NEDD4L: variants seen among roughly 807,000 people sequenced by gnomAD.
NEDD4L encodes the protein E3 ubiquitin-protein ligase NEDD4-like.
Under a neutral mutation model 148.9 loss-of-function variants are expected in NEDD4L, and 54 were observed. The ratio of observed to expected loss-of-function variants is 0.36; its 90% confidence interval spans 0.29 to 0.45. The LOEUF (loss-of-function observed/expected upper bound fraction) is 0.45. Among genes scored for constraint, NEDD4L ranks in the 20% least tolerant of loss-of-function variants. The probability of loss-of-function intolerance (pLI) is 1.00; values close to 1 mark genes in which losing one functional copy is unlikely to be tolerated. For synonymous variants in NEDD4L, 433 were observed against 440.7 expected, an observed-to-expected ratio of 0.98 and a Z score of 0.22; for missense variants, 856 against 1,233.8, an observed-to-expected ratio of 0.69 and a Z score of 4.59.
At chr18:58,088,143 A>C (rs1002058788) in intron 1 of NEDD4L, among the ~76,000 whole-genome samples, 10 of 152,222 alleles carry the variant, frequency 6.6e-5, no homozygotes, top group Admixed American at 2.6e-4. Context: ...CCTTCACTAC[A>C]GGGCAGCTGA....
intron 1 of NEDD4L, among the ~76,000 whole-genome samples, chr18:58,129,174 G>T (rs1189555515): frequency 6.6e-6 from 1 of 152,210 alleles, no homozygotes; most frequent in African/African-American, 2.4e-5. Flanking sequence ...CCAGCCAGTT[G>T]CCCGTGCTTC....
At chr18:58,252,559 CCTT>C (rs2048058307) in intron 5 of NEDD4L, among the ~76,000 whole-genome samples, 1 of 152,028 alleles carries the variant, frequency 6.6e-6, no homozygotes, top group African/African-American at 2.4e-5. Context: ...AAAGTGGTTG[CCTT>C]CTTAAGAGAG....
At chr18:58,267,575 G>A (rs2050398906) in intron 5 of NEDD4L, among the ~76,000 whole-genome samples, 1 of 151,948 alleles carries the variant, frequency 6.6e-6, no homozygotes, top group African/African-American at 2.4e-5. Flanking sequence ...CCGAATACCA[G>A]GAAAGATCAT....
At chr18:58,149,274 T>G (rs772128187) in intron 1 of NEDD4L, 72 of 663,568 alleles carry the variant, frequency 1.1e-4, no homozygotes, top group Admixed American at 6.1e-4. Flanking sequence ...TGGACCTTGG[T>G]GTCCAGGTGG....
At chr18:58,209,690 AATT>A (rs746043270) in intron 2 of NEDD4L, among the ~76,000 whole-genome samples, 2 of 143,216 alleles carry the variant, frequency 1.4e-5, no homozygotes, top group Non-Finnish European at 3.0e-5. Flanking sequence ...CATCCTAAGA[AATT>A]AGAAAAAGAT....
chr18:58,080,492 CTATA>C (rs1000725187), intron 1 of NEDD4L, among the ~76,000 whole-genome samples: 13 of 152,140 alleles, frequency 8.5e-5, no homozygotes, highest in African/African-American at 2.9e-4. Context: ...AGGTGAGAGG[CTATA>C]TATTCATTAG....
intron 1 of NEDD4L, among the ~76,000 whole-genome samples, chr18:58,131,523 G>A (rs980081076): frequency 6.6e-6 from 1 of 151,268 alleles, no homozygotes; most frequent in African/African-American, 2.4e-5. Flanking sequence ...GCTCTGTTGG[G>A]GTTTGGTTGT....
intron 2 of NEDD4L, among the ~76,000 whole-genome samples, chr18:58,180,983 AATG>A (rs2038801532): frequency 6.6e-6 from 1 of 152,236 alleles, no homozygotes; most frequent in South Asian, 2.1e-4. Flanking sequence ...AGCCAAATAA[AATG>A]ATAACACAAA....
chr18:58,365,459 A>G (rs965727421), intron 20 of NEDD4L, among the ~76,000 whole-genome samples: 3 of 152,086 alleles, frequency 2.0e-5, no homozygotes, highest in Non-Finnish European at 4.4e-5. Context: ...TGTTATTTTC[A>G]TGTCAGCGAA....
At chr18:58,098,502 C>T (rs1174695516) in intron 1 of NEDD4L, among the ~76,000 whole-genome samples, 1 of 152,180 alleles carries the variant, frequency 6.6e-6, no homozygotes, top group African/African-American at 2.4e-5. Flanking sequence ...TCGAGGCCGA[C>T]TGCCTGGGTT....
At chr18:58,380,955 C>A (rs1308048916) in intron 24 of NEDD4L, among the ~76,000 whole-genome samples, 2 of 152,066 alleles carry the variant, frequency 1.3e-5, no homozygotes, top group Non-Finnish European at 2.9e-5. Flanking sequence ...TGTAGACGTG[C>A]CATATATTTT....
At chr18:58,236,795 G>T (rs905997715) in intron 2 of NEDD4L, among the ~76,000 whole-genome samples, 6 of 152,158 alleles carry the variant, frequency 3.9e-5, no homozygotes, top group African/African-American at 1.2e-4. Flanking sequence ...AGGCCAAGGT[G>T]GTTGGATCAC....
chr18:58,213,862 C>T (rs1251507021), intron 2 of NEDD4L, among the ~76,000 whole-genome samples: 1 of 152,028 alleles, frequency 6.6e-6, no homozygotes. Flanking sequence ...TTGGTTTATT[C>T]TGAGACCCCG....
At chr18:58,328,722 C>T (rs1439667198) in intron 9 of NEDD4L, among the ~76,000 whole-genome samples, 1 of 152,166 alleles carries the variant, frequency 6.6e-6, no homozygotes, top group Non-Finnish European at 1.5e-5. Flanking sequence ...TTATTAAACA[C>T]TGAGGTATAT....
intron 5 of NEDD4L, among the ~76,000 whole-genome samples, chr18:58,305,662 A>G (rs1412941383): frequency 6.6e-6 from 1 of 152,240 alleles, no homozygotes; most frequent in Admixed American, 6.5e-5. Flanking sequence ...AATCTAGTTA[A>G]TGGAAGTTTC....
intron 1 of NEDD4L, among the ~76,000 whole-genome samples, chr18:58,097,008 C>T (rs780393246): frequency 6.6e-6 from 1 of 152,064 alleles, no homozygotes; most frequent in Non-Finnish European, 1.5e-5. Flanking sequence ...TTCTGATCTT[C>T]AGAACTTTGT....
intron 1 of NEDD4L, among the ~76,000 whole-genome samples, chr18:58,106,745 CA>C (rs1434598123): frequency 6.6e-6 from 1 of 152,200 alleles, no homozygotes; most frequent in African/African-American, 2.4e-5. Context: ...ATTTAATCCT[CA>C]AAGCAATCAT....
At chr18:58,267,226 A>T (rs547364456) in intron 5 of NEDD4L, among the ~76,000 whole-genome samples, 1 of 152,180 alleles carries the variant, frequency 6.6e-6, no homozygotes, top group South Asian at 2.1e-4. Flanking sequence ...CTCAATTCTA[A>T]TGGTTAGGTA....
intron 2 of NEDD4L, among the ~76,000 whole-genome samples, chr18:58,206,528 C>T (rs75147655): frequency 0.023 from 3,509 of 152,242 alleles, 129 homozygotes; most frequent in East Asian, 0.13. Flanking sequence ...TGTGTTTGCA[C>T]GGGGTCTGAA....
Sources: gnomAD v4.1 joint callset for allele counts (sites outside exome capture counted in the v4.1 genomes callset) on GRCh38, gnomAD v4.1.1 for gene constraint, MANE v1.5 for transcripts, NCBI Gene and HGNC (gene_info 2026-07-23, HGNC 2026-07-21) for gene names.